The following SMURF2 variants were observed in gnomAD, a reference collection of about 807,000 sequenced individuals.
The protein encoded by SMURF2 is SMAD specific E3 ubiquitin protein ligase 2, also known as E3 ubiquitin-protein ligase SMURF2.
Under a neutral mutation model 109.6 loss-of-function variants are expected in SMURF2, and 48 were observed. That is an observed-to-expected ratio of 0.44 (90% CI 0.35 to 0.56). SMURF2 has a LOEUF of 0.56. SMURF2 is among the 20% of genes least tolerant of loss of function. The pLI is 0.01. For missense variants in SMURF2, 575 were observed against 909.0 expected (o/e 0.63, Z 4.72); for synonymous variants, 288 against 317.1 (o/e 0.91, Z 0.97).
intron 4 of SMURF2, among the ~76,000 whole-genome samples, chr17:64,592,731 T>C (rs1255354729): frequency 1.3e-5 from 2 of 152,184 alleles, no homozygotes; most frequent in African/African-American, 4.8e-5. Context: ...TTCCCATTTA[T>C]GTTCCAATGG....
At chr17:64,567,551 G>A (rs1317772927) in intron 10 of SMURF2, among the ~76,000 whole-genome samples, 1 of 152,092 alleles carries the variant, frequency 6.6e-6, no homozygotes, top group African/African-American at 2.4e-5. Flanking sequence ...CAACATCAAG[G>A]CAAACATCTA....
At chr17:64,640,105 A>G (rs1008818124) in intron 1 of SMURF2, among the ~76,000 whole-genome samples, 1 of 152,188 alleles carries the variant, frequency 6.6e-6, no homozygotes, top group Non-Finnish European at 1.5e-5. Context: ...TTATCTTTAG[A>G]CTTACAGGTT....
chr17:64,636,714 G>A lies in SMURF2; in HGVS notation c.52+25115C>T, dbSNP rs549468439. Among the ~76,000 whole-genome samples the A allele has an allele frequency of 2.0e-5, 3 of 151,754 alleles. No individual in the cohort carries two copies. The East Asian group carries it at 5.8e-4, about 29-fold the overall frequency. On this transcript the variant is annotated intron_variant, in intron 1 of 18. Transcript: ENST00000262435. ...GAATCACTTGAACCCAGGAGGTGGA[G>A]GTTGCAGTGAGCTAAGATCATGCTG...
At chr17:64,554,294 A>C (rs1249547749) in intron 15 of SMURF2, among the ~76,000 whole-genome samples, 3 of 152,252 alleles carry the variant, frequency 2.0e-5, no homozygotes, top group African/African-American at 7.2e-5. Context: ...TAGACAGCAG[A>C]AGTCATGTTG....
chr17:64,586,193 C>T (rs781882891), intron 5 of SMURF2, 23 bp from the exon 6 acceptor site: 1 of 1,475,420 alleles, frequency 6.8e-7, no homozygotes, highest in South Asian at 1.2e-5. Context: ...AGAAATATTA[C>T]TAAGATTCAT....
chr17:64,639,508 C>T (rs1970465819), intron 1 of SMURF2, among the ~76,000 whole-genome samples: 1 of 151,878 alleles, frequency 6.6e-6, no homozygotes, highest in Non-Finnish European at 1.5e-5. Context: ...ACCCGGGAGG[C>T]GGAGGTTGCA....
At chr17:64,594,990 C>T (rs572331229) in intron 3 of SMURF2, among the ~76,000 whole-genome samples, 5 of 150,160 alleles carry the variant, frequency 3.3e-5, no homozygotes, top group African/African-American at 1.2e-4. Context: ...AACTCCGTCT[C>T]AAAAAAAGAA....
At position 64,564,730 on chromosome 17, in the gene SMURF2, G is replaced by C. The variant is rs115021256; in HGVS notation, c.1017-1764C>G. Among the ~76,000 whole-genome samples the C allele has an allele frequency of 8.0e-3, 1,222 of 152,280 alleles. 18 individuals are homozygous for C. The highest frequency in any genetic ancestry group is 0.028 in the African/African-American group (1,157 of 41,548). On this transcript the variant is annotated intron_variant, in intron 10 of 18. Transcript: ENST00000262435. ...CACTGGGAAGTTAGGAAAGAGGCAT[G>C]GAACAGATTCTCTCTCAAAGCCTCT...
rs186844675 is a variant in SMURF2, at chr17:64,630,384, G to A, written c.53-23744C>T. ...ATTTGAGAGATTACCAGCTAACTGG[G>A]AATTTCTAAAAATATAAGGTCTTAC... On this transcript the variant is annotated intron_variant, in intron 1 of 18. Transcript: ENST00000262435. 5.6e-3 allele frequency among the ~76,000 whole-genome samples: 857 copies of A among 152,146 alleles called. 2 individuals carry two copies. The highest frequency in any genetic ancestry group is 8.3e-3 in the Non-Finnish European group (563 of 68,006).
intron 1 of SMURF2, among the ~76,000 whole-genome samples, chr17:64,613,204 C>T (rs1296499732): frequency 6.6e-6 from 1 of 152,182 alleles, no homozygotes; most frequent in African/African-American, 2.4e-5. Context: ...TTGCTCTTTT[C>T]ATTCTCTGTT....
chr17:64,610,549 T>G (rs782622943), intron 1 of SMURF2, among the ~76,000 whole-genome samples: 15 of 151,400 alleles, frequency 9.9e-5, no homozygotes, highest in Non-Finnish European at 1.8e-4. Context: ...TAAGTGGGAG[T>G]TGAACAATGA....
In SMURF2 at chr17:64,640,182, T is replaced by C. The variant is rs190898550; in HGVS notation, c.52+21647A>G. ...TTTAAAAAGACAGTAAACAGGTAAATAAATGAATATTAAAAGAAATTGTGT... is the reference window on the plus strand; with the variant it reads ...TTTAAAAAGACAGTAAACAGGTAAACAAATGAATATTAAAAGAAATTGTGT... On this transcript the variant is annotated intron_variant, in intron 1 of 18. Coordinates refer to ENST00000262435, the MANE Select transcript of SMURF2 (RefSeq NM_022739.4). 6.5e-4 allele frequency among the ~76,000 whole-genome samples: 99 copies of C among 152,248 alleles called. 2 individuals are homozygous for C. The highest frequency in any genetic ancestry group is 6.4e-3 in the Admixed American group (98 of 15,282).
At chr17:64,609,584 A>C (rs1598294442) in intron 1 of SMURF2, among the ~76,000 whole-genome samples, 1 of 152,114 alleles carries the variant, frequency 6.6e-6, no homozygotes, top group Non-Finnish European at 1.5e-5. Flanking sequence ...AGAAAACTGA[A>C]ACTGGACTCC....
intron 15 of SMURF2, 48 bp from the exon 16 acceptor site, chr17:64,551,752 C>T: frequency 6.2e-7 from 1 of 1,605,614 alleles, no homozygotes; most frequent in Non-Finnish European, 8.5e-7. Context: ...ATTTTCAGAT[C>T]TGGTAATTAT....
chr17:64,569,842 G>A (rs868981276), intron 10 of SMURF2, among the ~76,000 whole-genome samples: 6 of 152,170 alleles, frequency 3.9e-5, no homozygotes, highest in African/African-American at 1.2e-4. Context: ...CCAGGCAAGC[G>A]CCCTAGAGCA....
Position 64,543,798 on chromosome 17 carries a change from TAA to T in SMURF2, c.*2048_*2049del, listed in dbSNP as rs1362430546. 6 of 152,200 alleles carry T rather than the reference TAA, an allele frequency of 3.9e-5. No individual in the cohort carries two copies. Among genetic ancestry groups the T allele is most frequent in the Admixed American group, 3.9e-4 (6 of 15,278 alleles). The allele number at this position is 152,200 out of a possible 1,614,324, so 9.4% of individuals were successfully genotyped here. On this transcript the variant is annotated 3_prime_UTR_variant, in exon 19 of 19. Coordinates refer to ENST00000262435, the MANE Select transcript of SMURF2 (RefSeq NM_022739.4). ...TATAAACTGCACTAGTGCTTTAATA[TAA>T]AAGAGAGATGGGTCTGCAACCAGTA...
chr17:64,576,978 T>C (rs1047181694), intron 9 of SMURF2, among the ~76,000 whole-genome samples: 9 of 150,060 alleles, frequency 6.0e-5, no homozygotes, highest in Non-Finnish European at 1.5e-5. Flanking sequence ...CCTCCCACTT[T>C]AGCCTCGCGA....
chr17:64,552,639 G>A (rs573319957), intron 15 of SMURF2, among the ~76,000 whole-genome samples: 5 of 152,272 alleles, frequency 3.3e-5, no homozygotes, highest in East Asian at 1.9e-4. Context: ...GACTGAGTAG[G>A]ACACACGAGG....
intron 1 of SMURF2, among the ~76,000 whole-genome samples, chr17:64,631,275 G>GA (rs1568202847): frequency 2.4e-4 from 2 of 8,386 alleles, no homozygotes; most frequent in African/African-American, 3.6e-4. Flanking sequence ...GGAGAGAGGG[G>GA]GGGGGGGAGA....
Sources: allele counts gnomAD v4.1 joint callset (sites outside exome capture counted in the v4.1 genomes callset), GRCh38; gene constraint gnomAD v4.1.1; transcripts MANE v1.5; gene names NCBI Gene and HGNC (gene_info 2026-07-23, HGNC 2026-07-21).